Variants in SEMA6D observed in about 807,000 individuals in gnomAD.
SEMA6D encodes semaphorin 6D, also known as semaphorin-6D.
In SEMA6D, 35 loss-of-function variants were observed where a neutral mutation model predicts 106.6. The observed-to-expected ratio is 0.33, with a 90% confidence interval of 0.25 to 0.44. The LOEUF (loss-of-function observed/expected upper bound fraction) is 0.44. SEMA6D is among the 20% of genes least tolerant of loss of function. The pLI is 1.00. For missense variants in SEMA6D, 1,185 were observed against 1,345.9 expected, an observed-to-expected ratio of 0.88 and a Z score of 1.87; for synonymous variants, 499 against 487.7, an observed-to-expected ratio of 1.02 and a Z score of -0.31.
intron 4 of SEMA6D, among the ~76,000 whole-genome samples, chr15:47,701,302 A>C (rs544350117): frequency 6.6e-6 from 1 of 152,306 alleles, no homozygotes; most frequent in African/African-American, 2.4e-5. Context: ...TCTGTATGTG[A>C]AATCTAAAAA....
At chr15:47,317,274 A>G (rs2036720656) in intron 1 of SEMA6D, among the ~76,000 whole-genome samples, 1 of 152,082 alleles carries the variant, frequency 6.6e-6, no homozygotes, top group Non-Finnish European at 1.5e-5. Flanking sequence ...TTTTTGATAT[A>G]GTAATTTATG....
chr15:47,198,851 G>A (rs766218684), intron 1 of SEMA6D, among the ~76,000 whole-genome samples: 2 of 152,134 alleles, frequency 1.3e-5, no homozygotes, highest in African/African-American at 2.4e-5. Context: ...GGGAGGACAC[G>A]TATACGTCAA....
intron 3 of SEMA6D, among the ~76,000 whole-genome samples, chr15:47,491,975 G>T (rs959653041): frequency 1.3e-5 from 2 of 152,232 alleles, no homozygotes; most frequent in South Asian, 4.1e-4. Context: ...AAAATGGTGG[G>T]TCTTAATCAT....
At chr15:47,190,336 G>A (rs1322145864) in intron 1 of SEMA6D, among the ~76,000 whole-genome samples, 1 of 152,192 alleles carries the variant, frequency 6.6e-6, no homozygotes, top group Non-Finnish European at 1.5e-5. Flanking sequence ...CAGGAAAAGT[G>A]AGGAGGAAAC....
At chr15:47,718,126 G>A (rs1296678494) in intron 1 of SEMA6D, among the ~76,000 whole-genome samples, 2 of 152,212 alleles carry the variant, frequency 1.3e-5, no homozygotes, top group Admixed American at 6.5e-5. Context: ...CATAGCTGGG[G>A]TTAGCAGGGG....
At chr15:47,693,850 G>C (rs1057108105) in intron 4 of SEMA6D, among the ~76,000 whole-genome samples, 8 of 152,022 alleles carry the variant, frequency 5.3e-5, no homozygotes, top group Non-Finnish European at 8.8e-5. Flanking sequence ...TGAGTTAGGA[G>C]GATTGATCAC....
intron 1 of SEMA6D, among the ~76,000 whole-genome samples, chr15:47,214,633 C>T (rs1404937687): frequency 6.6e-6 from 1 of 152,122 alleles, no homozygotes; most frequent in African/African-American, 2.4e-5. Flanking sequence ...TGTTATGCCA[C>T]GTTAGAAATT....
intron 4 of SEMA6D, among the ~76,000 whole-genome samples, chr15:47,700,706 C>T (rs1455713305): frequency 6.6e-6 from 1 of 152,130 alleles, no homozygotes; most frequent in Admixed American, 6.5e-5. Context: ...AGGAGAATCG[C>T]TTGAGCCCAG....
At chr15:47,687,182 G>A (rs1380336703) in intron 4 of SEMA6D, among the ~76,000 whole-genome samples, 1 of 151,862 alleles carries the variant, frequency 6.6e-6, no homozygotes, top group African/African-American at 2.4e-5. Context: ...TAAAATGAAA[G>A]CTCCTGGACT....
In SEMA6D at chr15:47,657,719, C is replaced by CTTTTTTTTTTTTTTTTT. The variant is rs71118191; in HGVS notation, c.-55+56847_-55+56863dup. ...CATTTAGTGACAGAGGGCTTCATTT[C>CTTTTTTTTTTTTTTTTT]TTTTTTTTTTTTTTTTTTTTTTTTT... On this transcript the variant is annotated intron_variant, in intron 4 of 19. Transcript: ENST00000558014. Among the ~76,000 whole-genome samples, 16 of 54,676 alleles carry CTTTTTTTTTTTTTTTTT rather than the reference C, an allele frequency of 2.9e-4. 4 individuals carry two copies. Among genetic ancestry groups the CTTTTTTTTTTTTTTTTT allele is most frequent in the African/African-American group, 5.1e-4 (6 of 11,746 alleles). The allele number at this position is 54,676 out of a possible 152,430, so 35.9% of individuals were successfully genotyped here. A position where few individuals can be genotyped will look rare whatever the true frequency, so the allele number is the denominator to read the frequency against.
upstream of SEMA6D, among the ~76,000 whole-genome samples, chr15:47,714,001 TA>T (rs2079066148): frequency 6.6e-6 from 1 of 152,254 alleles, no homozygotes; most frequent in African/African-American, 2.4e-5. Flanking sequence ...GGTCAGATGC[TA>T]AACACTTTAC....
rs115353694 is a variant in SEMA6D, at chr15:47,681,235, A to G, written c.-54-78510A>G. Among the ~76,000 whole-genome samples, 1,002 of 152,360 alleles carry G rather than the reference A, an allele frequency of 6.6e-3. 16 individuals are homozygous for G. The highest frequency in any genetic ancestry group is 0.022 in the African/African-American group (934 of 41,594). On this transcript the variant is annotated intron_variant, in intron 4 of 19. Transcript: ENST00000558014. ...GGATTTATGAATGGGCAGAGAAAAT[A>G]GTATGTACATACATTGAGATATTAT...
At chr15:47,766,723 C>CAA in intron 16 of SEMA6D, 46 bp downstream of exon 16, 1 of 1,255,118 alleles carries the variant, frequency 8.0e-7, no homozygotes, top group Non-Finnish European at 1.2e-6. Flanking sequence ...TTTTTGACCA[C>CAA]ATTTGCACGT....
At chr15:47,611,773 A>G (rs2076910981) in intron 4 of SEMA6D, among the ~76,000 whole-genome samples, 1 of 152,226 alleles carries the variant, frequency 6.6e-6, no homozygotes, top group African/African-American at 2.4e-5. Context: ...CTTATCCCAT[A>G]AGAGCCACTA....
chr15:47,600,201 G>A (rs559428091), intron 3 of SEMA6D, among the ~76,000 whole-genome samples: 1 of 152,208 alleles, frequency 6.6e-6, no homozygotes, highest in East Asian at 1.9e-4. Flanking sequence ...CTCAGCAATA[G>A]CTTTTGCACA....
At chr15:47,309,637 A>G (rs1232471088) in intron 1 of SEMA6D, among the ~76,000 whole-genome samples, 1 of 152,162 alleles carries the variant, frequency 6.6e-6, no homozygotes, top group African/African-American at 2.4e-5. Flanking sequence ...GTCTTGGAAC[A>G]TATGAACATA....
intron 1 of SEMA6D, among the ~76,000 whole-genome samples, chr15:47,199,121 G>A (rs1334314292): frequency 1.3e-5 from 2 of 152,116 alleles, no homozygotes. Flanking sequence ...TTGTTTGTTT[G>A]TTTATCTGTT....
chr15:47,432,376 T>G (rs2041558575), intron 2 of SEMA6D, among the ~76,000 whole-genome samples: 5 of 152,138 alleles, frequency 3.3e-5, no homozygotes, highest in Admixed American at 3.3e-4. Context: ...GGTGAAATTT[T>G]AGAAGGGGAA....
chr15:47,424,408 A>G (rs1451245887), intron 2 of SEMA6D, among the ~76,000 whole-genome samples: 1 of 152,138 alleles, frequency 6.6e-6, no homozygotes, highest in Non-Finnish European at 1.5e-5. Flanking sequence ...AATTGCTTCT[A>G]TAGATCAGTT....
Sources: allele counts gnomAD v4.1 joint callset (sites outside exome capture counted in the v4.1 genomes callset), GRCh38; gene constraint gnomAD v4.1.1; transcripts MANE v1.5; gene names NCBI Gene and HGNC (gene_info 2026-07-23, HGNC 2026-07-21).